Variants in PSMG2 observed in about 807,000 individuals in gnomAD.
The protein encoded by PSMG2 is proteasome assembly chaperone 2, also known as CD40 ligand-activated specific transcript 3.
A neutral mutation model predicts 31.5 loss-of-function variants in PSMG2; 21 were observed. The observed-to-expected ratio is 0.67, with a 90% CI of 0.47 to 0.96. PSMG2 has a LOEUF of 0.96. PSMG2 is among the 40% of genes least tolerant of loss of function. The pLI is 0.00. For synonymous variants in PSMG2, 120 were observed against 110.4 expected (o/e 1.09, Z -0.54); for missense variants, 318 against 321.2 (o/e 0.99, Z 0.08).
chr18:12,716,640 C>T (rs954978804), intron 3 of PSMG2, among the ~76,000 whole-genome samples: 8 of 151,918 alleles, frequency 5.3e-5, no homozygotes, highest in Non-Finnish European at 8.8e-5. Flanking sequence ...GTGATCTGCC[C>T]GCCTCAGCCT....
intron 5 of PSMG2, among the ~76,000 whole-genome samples, chr18:12,722,084 A>G (rs1279020125): frequency 1.3e-5 from 2 of 152,242 alleles, no homozygotes; most frequent in East Asian, 3.9e-4. Context: ...TAGACAAGGA[A>G]GTTGCGTCTG....
Position 12,673,596 on chromosome 18 carries a change from C to T in PSMG2, c.-37+14823C>T, listed in dbSNP as rs1397191977. On this transcript the variant is annotated intron_variant, in intron 1 of 6. Transcript: ENST00000585331. ...AAATCAGTATTTAAAATAATTTTTT[C>T]AGGCTAGGCGTGGTGGCTCATGCCT... 4.9e-5 allele frequency: 54 copies of T among 1,096,690 alleles called. 1 individual carries two copies. Among genetic ancestry groups the T allele is most frequent in the Non-Finnish European group, 3.6e-5 (28 of 779,582 alleles). 67.9% of individuals were successfully genotyped at this position (1,096,690 alleles called of 1,614,324 possible).
intron 3 of PSMG2, among the ~76,000 whole-genome samples, chr18:12,717,973 T>C (rs2040393346): frequency 6.6e-6 from 1 of 152,164 alleles, no homozygotes; most frequent in Non-Finnish European, 1.5e-5. Flanking sequence ...GAAATCTAGA[T>C]TCCTCATGAT....
intron 1 of PSMG2, among the ~76,000 whole-genome samples, chr18:12,675,994 G>C (rs1188370209): frequency 6.6e-6 from 1 of 151,836 alleles, no homozygotes; most frequent in East Asian, 1.9e-4. Context: ...AACACCAAAA[G>C]ACCTATTGAT....
chr18:12,707,224 C>T (rs928809484), intron 2 of PSMG2, among the ~76,000 whole-genome samples: 1 of 152,172 alleles, frequency 6.6e-6, no homozygotes, highest in Non-Finnish European at 1.5e-5. Flanking sequence ...TTCCAAAGTG[C>T]TGGGATTACA....
chr18:12,700,815 C>T, upstream of PSMG2: 2 of 597,462 alleles, frequency 3.3e-6, no homozygotes, highest in South Asian at 2.4e-5. Flanking sequence ...CTAGCCTATA[C>T]TTGAAACAAG....
chr18:12,678,593 AT>A, intron 1 of PSMG2: 1 of 583,818 alleles, frequency 1.7e-6, no homozygotes, highest in Non-Finnish European at 3.0e-6. Context: ...CCACAATTTG[AT>A]TACTCTGTAT....
chr18:12,674,273 A>G (rs1369306019), intron 1 of PSMG2, among the ~76,000 whole-genome samples: 2 of 151,936 alleles, frequency 1.3e-5, no homozygotes, highest in African/African-American at 4.8e-5. Flanking sequence ...CCCCATCTCT[A>G]CAAAATAAAG....
intron 1 of PSMG2, among the ~76,000 whole-genome samples, chr18:12,678,661 A>G (rs1009656158): frequency 2.6e-5 from 4 of 152,120 alleles, no homozygotes; most frequent in Admixed American, 6.6e-5. Context: ...AACAGAATAC[A>G]TTCTATGTAT....
At chr18:12,680,731 G>A (rs2039317825) in intron 1 of PSMG2, 1 of 1,613,606 alleles carries the variant, frequency 6.2e-7, no homozygotes, top group African/African-American at 1.3e-5. Context: ...CCATGCATGA[G>A]GTACTCCTTT....
chr18:12,667,039 A>T (rs991140160), intron 1 of PSMG2, among the ~76,000 whole-genome samples: 1 of 152,196 alleles, frequency 6.6e-6, no homozygotes, highest in African/African-American at 2.4e-5. Context: ...ACAACCAAAC[A>T]AAAATAAGAT....
chr18:12,702,891 C>T (rs1264539438), upstream of PSMG2: 13 of 585,008 alleles, frequency 2.2e-5, no homozygotes, highest in East Asian at 2.9e-4. Context: ...CCAGGGTCTC[C>T]GAAAGCGCTG....
chr18:12,676,279 C>CTTTTT (rs1157897766), intron 1 of PSMG2, among the ~76,000 whole-genome samples: 10 of 106,432 alleles, frequency 9.4e-5, no homozygotes, highest in Non-Finnish European at 1.3e-4. Flanking sequence ...ACAGTAATTC[C>CTTTTT]TTTTTTTTTT....
chr18:12,703,460 A>G (rs2040222718), intron 1 of PSMG2, among the ~76,000 whole-genome samples: 1 of 152,150 alleles, frequency 6.6e-6, no homozygotes, highest in African/African-American at 2.4e-5. Flanking sequence ...GGCATCCTTC[A>G]GTTTTATCCT....
At chr18:12,678,082 A>C (rs746548620) in intron 1 of PSMG2, 2 of 1,556,212 alleles carry the variant, frequency 1.3e-6, no homozygotes, top group African/African-American at 2.7e-5. Flanking sequence ...AGAAGTATGA[A>C]ACTACAACTA....
chr18:12,685,596 A>C (rs1220013740), intron 1 of PSMG2: 1 of 152,050 alleles, frequency 6.6e-6, no homozygotes, highest in Non-Finnish European at 1.5e-5. Flanking sequence ...GGACCCTTGC[A>C]AAACAAAATC....
chr18:12,673,744 G>A (rs1461427352), intron 1 of PSMG2, among the ~76,000 whole-genome samples: 1 of 152,094 alleles, frequency 6.6e-6, no homozygotes, highest in African/African-American at 2.4e-5. Context: ...AGCCGCGTGT[G>A]GTGGCGGGCG....
intron 1 of PSMG2, among the ~76,000 whole-genome samples, chr18:12,696,697 A>G (rs2039969953): frequency 6.6e-6 from 1 of 152,046 alleles, no homozygotes; most frequent in South Asian, 2.1e-4. Context: ...TTCCAAGGAG[A>G]CTATGATAAA....
intron 1 of PSMG2, chr18:12,678,439 G>A: frequency 6.4e-7 from 1 of 1,564,396 alleles, no homozygotes; most frequent in Non-Finnish European, 8.7e-7. Flanking sequence ...GTTTATGGAT[G>A]TACCTAAAAA....
Sources: gnomAD v4.1 joint callset for allele counts (sites outside exome capture counted in the v4.1 genomes callset) on GRCh38, gnomAD v4.1.1 for gene constraint, MANE v1.5 for transcripts, NCBI Gene and HGNC (gene_info 2026-07-23, HGNC 2026-07-21) for gene names.